NPTX1: variants seen among roughly 807,000 people sequenced by gnomAD.
NPTX1 encodes neuronal pentraxin 1, also known as neuronal pentraxin-1.
Under a neutral mutation model 38.7 loss-of-function variants are expected in NPTX1, and 12 were observed. That is an observed-to-expected ratio of 0.31 (90% CI 0.20 to 0.50). The LOEUF (loss-of-function observed/expected upper bound fraction) is 0.50, where lower values mean the gene tolerates loss of function less well. NPTX1 is among the 20% of genes least tolerant of loss of function. The pLI is 0.98. For synonymous variants in NPTX1, 272 were observed against 264.9 expected (o/e 1.03, Z -0.26); for missense variants, 454 against 592.2 (o/e 0.77, Z 2.42).
chr17:80,474,839 G>A (rs993786256), intron 2 of NPTX1: 2 of 129,998 alleles, frequency 1.5e-5, no homozygotes, highest in African/African-American at 5.3e-5. Flanking sequence ...TTTGATTTCT[G>A]CGACTTCAAG....
chr17:80,470,635 T>G lies in NPTX1; in HGVS notation c.*178A>C. 1 of 551,130 alleles carries G rather than the reference T, an allele frequency of 1.8e-6. No homozygotes were observed. The allele number at this position is 551,130 out of a possible 1,614,324, so 34.1% of individuals were successfully genotyped here. A position where few individuals can be genotyped will look rare whatever the true frequency, so the allele number is the denominator to read the frequency against. ...GAAGTGGGGCTTCCTCAGGGACAGA[T>G]GGGAGCAGGGGCTGCTTCGTGTGCA... On this transcript the variant is annotated 3_prime_UTR_variant, in exon 5 of 5. Transcript: ENST00000306773.
Position 80,475,532 on chromosome 17 carries a change from G to T in NPTX1, c.631C>A (p.Arg211=). The T allele has an allele frequency of 6.2e-7, 1 of 1,612,308 alleles. No individual in the cohort carries two copies. The highest frequency in any genetic ancestry group is 8.5e-7 in the Non-Finnish European group (1 of 1,179,748). ...GTACCTTTCTCGAGCTCGCTGATCC[G>T]CTGGTGCAGGGAGGTCAGGGCGGTC... ...IETALTSLHQ[R]ISELEKGQKD... The change falls in exon 2 of 5, where the codon CGG becomes AGG. Residue 211 remains arginine (R), a synonymous_variant. Transcript: ENST00000306773. This position sits in a 1 kb window ranked among gnomAD's most constrained non-coding sequence, Gnocchi z 6.5.
chr17:80,470,595 C>T lies in NPTX1; in HGVS notation c.*218G>A, dbSNP rs769167331. On this transcript the variant is annotated 3_prime_UTR_variant, in exon 5 of 5. Transcript: ENST00000306773. ...GTGAATGGGGCATGCCTGAGAGAGTCCGGGCTCCTACAGAGAAGTGGGGCT... is the reference window on the plus strand; with the variant it reads ...GTGAATGGGGCATGCCTGAGAGAGTTCGGGCTCCTACAGAGAAGTGGGGCT... 237 of 502,608 alleles carry T rather than the reference C, an allele frequency of 4.7e-4. No individual in the cohort carries two copies. Among genetic ancestry groups the T allele is most frequent in the Non-Finnish European group, 7.6e-4 (212 of 278,088 alleles). The allele number at this position is 502,608 out of a possible 1,614,324, so 31.1% of individuals were successfully genotyped here.
In NPTX1 at chr17:80,475,236, G is replaced by C. The variant is rs2143050092; in HGVS notation, c.652+275C>G. ...AAATCAGACTTGAAAAATCCAGCGAGTGTGTGAGTGTGTCTGGATGGGGGA... is the reference window on the plus strand; with the variant it reads ...AAATCAGACTTGAAAAATCCAGCGACTGTGTGAGTGTGTCTGGATGGGGGA... On this transcript the variant is annotated intron_variant, in intron 2 of 4. Coordinates refer to ENST00000306773, the MANE Select transcript of NPTX1 (RefSeq NM_002522.4). This position sits in a 1 kb window ranked among gnomAD's most constrained non-coding sequence, Gnocchi z 6.5. 6.6e-6 allele frequency among the ~76,000 whole-genome samples: 1 copy of C among 152,292 alleles called. No homozygotes were observed. The highest frequency in any genetic ancestry group is 2.1e-4 in the South Asian group (1 of 4,830).
At position 80,469,972 on chromosome 17, in the gene NPTX1, GGAGGTGGGAAGGTC is replaced by G. The variant is rs1443509853; in HGVS notation, c.*827_*840del. On this transcript the variant is annotated 3_prime_UTR_variant, in exon 5 of 5. Transcript: ENST00000306773. ...CAGACCCCAGCCTTGCAGGATCTGAGGAGGTGGGAAGGTCGAGGGCAGGGCCGTCCTGGGGCAGA... is the reference window on the plus strand; with the variant it reads ...CAGACCCCAGCCTTGCAGGATCTGAGGAGGGCAGGGCCGTCCTGGGGCAGA... 6.6e-6 allele frequency: 1 copy of G among 152,536 alleles called. No homozygotes were observed. The highest frequency in any genetic ancestry group is 1.5e-5 in the Non-Finnish European group (1 of 68,298). 9.4% of individuals were successfully genotyped at this position (152,536 alleles called of 1,614,324 possible). A position where few individuals can be genotyped will look rare whatever the true frequency, so the allele number is the denominator to read the frequency against.
In NPTX1 at chr17:80,475,689, C is replaced by T; in HGVS notation, c.474G>A (p.Gln158=). 1 of 1,612,828 alleles carries T rather than the reference C, an allele frequency of 6.2e-7. No individual in the cohort carries two copies. The highest frequency in any genetic ancestry group is 8.5e-7 in the Non-Finnish European group (1 of 1,179,840). Residue 158 remains glutamine (Q), a synonymous_variant, in exon 2 of 5, where the codon CAG becomes CAA. Coordinates refer to ENST00000306773, the MANE Select transcript of NPTX1 (RefSeq NM_002522.4). The surrounding 1 kb of genome is among the most constrained non-coding windows in gnomAD (Gnocchi z 6.5). ...EQYSRLNSSS[Q]TNSLKDLLQS... Reference sequence around the variant, plus strand: ...GCAGCAGATCCTTGAGGCTGTTGGTCTGGCTGGAGGAATTGAGGCGGCTGT... The same window carrying T: ...GCAGCAGATCCTTGAGGCTGTTGGTTTGGCTGGAGGAATTGAGGCGGCTGT...
chr17:80,475,594 C>A lies in NPTX1; in HGVS notation c.569G>T (p.Gly190Val), dbSNP rs143382901. 64 of 1,612,520 alleles carry A rather than the reference C, an allele frequency of 4.0e-5. No homozygotes were observed. The African/African-American group carries it at 7.6e-4, about 19-fold the overall frequency. The part of the protein sequence containing the change: ...RVNTLEEGKG[G>V]PRNDTEERVK... ...CCTCTCCTCGGTGTCGTTCCTGGGG[C>A]CCCCCTTGCCCTCCTCCAGGGTGTT... The change falls in exon 2 of 5, where the codon GGC (glycine) becomes GTC (valine). Residue 190 changes from glycine to valine, a missense_variant. Gly to Val is a moderately radical substitution (Grantham distance 109). Around this residue, in one of 4 missense-constraint regions of NPTX1, gnomAD observed 288 missense variants for 318.4 expected, o/e 0.90. Coordinates refer to ENST00000306773, the MANE Select transcript of NPTX1 (RefSeq NM_002522.4). The surrounding 1 kb of genome is among the most constrained non-coding windows in gnomAD (Gnocchi z 6.5).
In NPTX1 at chr17:80,473,207, T is replaced by C; in HGVS notation, c.890A>G (p.Asn297Ser). 1 of 1,612,950 alleles carries C rather than the reference T, an allele frequency of 6.2e-7. No homozygotes were observed. Among genetic ancestry groups the C allele is most frequent in the Non-Finnish European group, 8.5e-7 (1 of 1,179,936 alleles). ...WGNNPMEILI[N>S]DKVAKLPFVI... ...GCCCGGGGGCTGCTCTACCTTGTCA[T>C]TGATGAGGATCTCCATGGGGTTGTT... Residue 297 changes from asparagine (N) to serine (S), a missense_variant, in exon 3 of 5, where the codon AAT becomes AGT. Transcript: ENST00000306773.
Position 80,473,154 on chromosome 17 carries a change from C to T in NPTX1, c.897+46G>A, listed in dbSNP as rs768438063. On this transcript the variant is annotated intron_variant, in intron 3 of 4. Transcript: ENST00000306773. ...CTCCGCATGCAACATGAGCTGGGGC[C>T]CTGGGGCCTCGCCCTGCCGCCCTGT... 6 of 1,593,774 alleles carry T rather than the reference C, an allele frequency of 3.8e-6. No individual in the cohort carries two copies. The East Asian group carries it at 1.1e-4, about 30-fold the overall frequency.
rs1286058721 is a variant in NPTX1, at chr17:80,468,338, G to A, written c.*2475C>T. 6.6e-6 allele frequency: 1 copy of A among 152,576 alleles called. No individual in the cohort carries two copies. Among genetic ancestry groups the A allele is most frequent in the African/African-American group, 2.4e-5 (1 of 41,460 alleles). The allele number at this position is 152,576 out of a possible 1,614,324, so 9.5% of individuals were successfully genotyped here. On this transcript the variant is annotated 3_prime_UTR_variant, in exon 5 of 5. Coordinates refer to ENST00000306773, the MANE Select transcript of NPTX1 (RefSeq NM_002522.4). ...GCAGGGGTGGAGGCGTAAGCACTGG[G>A]GTGTGCTCTGCCCCTCGCTAGTCAG...
rs1431075733 is a variant in NPTX1, at chr17:80,470,297, C to T, written c.*516G>A. On this transcript the variant is annotated 3_prime_UTR_variant, in exon 5 of 5. Transcript: ENST00000306773. ...ATTACATCAATATAAAGATATGTCG[C>T]TCTGAGAAAGGTTTGCAAACAAAGA... 2 of 152,484 alleles carry T rather than the reference C, an allele frequency of 1.3e-5. No individual in the cohort carries two copies. The highest frequency in any genetic ancestry group is 2.9e-5 in the Non-Finnish European group (2 of 68,256). The allele number at this position is 152,484 out of a possible 1,614,324, so 9.4% of individuals were successfully genotyped here.
intron 3 of NPTX1, 56 bp downstream of exon 3, chr17:80,473,144 G>C (rs1050066032): frequency 6.3e-7 from 1 of 1,580,864 alleles, no homozygotes; most frequent in African/African-American, 1.3e-5. Context: ...CATGCAACAT[G>C]AGCTGGGGCC....
rs931461799 is a variant in NPTX1 at position 80,475,237 on chromosome 17, T to C, written c.652+274A>G. Among the ~76,000 whole-genome samples, 1 of 151,516 alleles carries C rather than the reference T, an allele frequency of 6.6e-6. No homozygotes were observed. The highest frequency in any genetic ancestry group is 2.1e-4 in the South Asian group (1 of 4,794). On this transcript the variant is annotated intron_variant, in intron 2 of 4. Coordinates refer to ENST00000306773, the MANE Select transcript of NPTX1 (RefSeq NM_002522.4). The surrounding 1 kb of genome is among the most constrained non-coding windows in gnomAD (Gnocchi z 6.5). The stretch of plus-strand genomic sequence containing the variant: ...AATCAGACTTGAAAAATCCAGCGAG[T>C]GTGTGAGTGTGTCTGGATGGGGGAG...
chr17:80,470,721 C>T lies in NPTX1; in HGVS notation c.*92G>A. On this transcript the variant is annotated 3_prime_UTR_variant, in exon 5 of 5. Transcript: ENST00000306773. ...CAGGGGCGACGGCCTCGGTTCATTCCTGGGGAAAAGGGAGAGAAGAGACGC... is the reference window on the plus strand; with the variant it reads ...CAGGGGCGACGGCCTCGGTTCATTCTTGGGGAAAAGGGAGAGAAGAGACGC... The T allele has an allele frequency of 1.1e-6, 1 of 951,212 alleles. No individual in the cohort carries two copies. Among genetic ancestry groups the T allele is most frequent in the South Asian group, 1.6e-5 (1 of 63,358 alleles). The allele number at this position is 951,212 out of a possible 1,614,324, so 58.9% of individuals were successfully genotyped here. A position where few individuals can be genotyped will look rare whatever the true frequency, so the allele number is the denominator to read the frequency against.
In NPTX1 at chr17:80,470,501, A is replaced by G. The variant is rs544769839; in HGVS notation, c.*312T>C. On this transcript the variant is annotated 3_prime_UTR_variant, in exon 5 of 5. Coordinates refer to ENST00000306773, the MANE Select transcript of NPTX1 (RefSeq NM_002522.4). The stretch of plus-strand genomic sequence containing the variant: ...CGCACACACGTAGACACACACATGT[A>G]GACACGCACACACAGATCCTCTCAC... The G allele has an allele frequency of 6.8e-4, 163 of 239,104 alleles. 1 individual carries two copies. In the South Asian group the frequency reaches 9.4e-3, roughly 14 times the overall value. The allele number at this position is 239,104 out of a possible 1,614,324, so 14.8% of individuals were successfully genotyped here.
Position 80,467,671 on chromosome 17 carries a change from C to G in NPTX1, c.*3142G>C, listed in dbSNP as rs1259094459. On this transcript the variant is annotated 3_prime_UTR_variant, in exon 5 of 5. Transcript: ENST00000306773. Reference sequence around the variant, plus strand: ...CAGTCTTAGAAAATAAACTGGGAATCTACAAAAGGAAAAGAAAGCATACAA... The same window carrying G: ...CAGTCTTAGAAAATAAACTGGGAATGTACAAAAGGAAAAGAAAGCATACAA... 1 of 151,804 alleles carries G rather than the reference C, an allele frequency of 6.6e-6. No individual in the cohort carries two copies. Among genetic ancestry groups the G allele is most frequent in the African/African-American group, 2.4e-5 (1 of 40,890 alleles). The allele number at this position is 151,804 out of a possible 1,614,324, so 9.4% of individuals were successfully genotyped here.
Position 80,476,506 on chromosome 17 carries a change from G to A in NPTX1, c.-60C>T. ...GCTCGGCTGGGGCTCGGCTCCGGCT[G>A]GGACCCGGCTCGGGCTGTGGCTCCG... On this transcript the variant is annotated 5_prime_UTR_variant, in exon 1 of 5. Transcript: ENST00000306773. This position sits in a 1 kb window ranked among gnomAD's most constrained non-coding sequence, Gnocchi z 6.3. 1 of 1,019,506 alleles carries A rather than the reference G, an allele frequency of 9.8e-7. No individual in the cohort carries two copies. Among genetic ancestry groups the A allele is most frequent in the Non-Finnish European group, 1.2e-6 (1 of 834,690 alleles). The allele number at this position is 1,019,506 out of a possible 1,614,324, so 63.2% of individuals were successfully genotyped here. A position where few individuals can be genotyped will look rare whatever the true frequency, so the allele number is the denominator to read the frequency against.
chr17:80,471,616 C>T, intron 4 of NPTX1, 116 bp downstream of exon 4: 1 of 1,461,938 alleles, frequency 6.8e-7, no homozygotes, highest in Non-Finnish European at 9.0e-7. Flanking sequence ...GCTCCCCGGG[C>T]TGCTTCTCAG....
In NPTX1 at chr17:80,473,189, G is replaced by T. The variant is rs1568275266; in HGVS notation, c.897+11C>A. 6 of 1,610,668 alleles carry T rather than the reference G, an allele frequency of 3.7e-6. No homozygotes were observed. Among genetic ancestry groups the T allele is most frequent in the Non-Finnish European group, 5.1e-6 (6 of 1,179,210 alleles). ...CGCCCTGCCGCCCTGTGAGCCCGGG[G>T]GCTGCTCTACCTTGTCATTGATGAG... On this transcript the variant is annotated intron_variant, in intron 3 of 4. Transcript: ENST00000306773.
Sources: gnomAD v4.1 joint callset for allele counts (sites outside exome capture counted in the v4.1 genomes callset) on GRCh38, gnomAD v4.1.1 for gene constraint, gnomAD v4.1.1 regional missense constraint, Gnocchi (gnomAD v3.1) non-coding constraint, MANE v1.5 for transcripts, NCBI Gene and HGNC (gene_info 2026-07-23, HGNC 2026-07-21) for gene names.